Variants in SNAP91 observed in about 807,000 individuals in gnomAD.
SNAP91 encodes the protein clathrin coat assembly protein AP180.
A neutral mutation model predicts 100.3 loss-of-function variants in SNAP91; 27 were observed. The ratio of observed to expected loss-of-function variants is 0.27; its 90% CI spans 0.20 to 0.37. The LOEUF is 0.37. Ranked by LOEUF, SNAP91 falls within the 10% of genes least tolerant of loss-of-function variation. The probability of loss-of-function intolerance (pLI) is 1.00; values close to 1 mark genes in which losing one functional copy is unlikely to be tolerated. For synonymous variants in SNAP91, 404 were observed against 398.6 expected (o/e 1.01, Z -0.16); for missense variants, 986 against 1,123.7 (o/e 0.88, Z 1.75).
intron 23 of SNAP91, among the ~76,000 whole-genome samples, 159 bp downstream of exon 23, chr6:83,582,058 TTTTAA>T (rs1325654761): frequency 6.6e-6 from 1 of 150,950 alleles, no homozygotes; most frequent in South Asian, 2.1e-4. Context: ...GTACTATAAA[TTTTAA>T]TTTAAGTTAC....
In SNAP91 at chr6:83,670,112, C is replaced by A. The variant is rs2098756299; in HGVS notation, c.131-4531G>T. ...ACTACCAAAAAGATACCAGATATATCTTCCCAAGTTCAAATATTTAATTTT... is the reference window on the plus strand; with the variant it reads ...ACTACCAAAAAGATACCAGATATATATTCCCAAGTTCAAATATTTAATTTT... On this transcript the variant is annotated intron_variant, in intron 2 of 29. Coordinates refer to ENST00000369694, the MANE Select transcript of SNAP91 (RefSeq NM_001242792.2). 1.3e-5 allele frequency among the ~76,000 whole-genome samples: 2 copies of A among 151,982 alleles called. 1 individual carries two copies. Among genetic ancestry groups the A allele is most frequent in the South Asian group, 4.1e-4 (2 of 4,832 alleles).
chr6:83,561,409 G>C (rs1445689445), intron 26 of SNAP91, among the ~76,000 whole-genome samples: 1 of 152,132 alleles, frequency 6.6e-6, no homozygotes, highest in Non-Finnish European at 1.5e-5. Context: ...TGTATGAGTG[G>C]ATATGTAAAG....
intron 28 of SNAP91, among the ~76,000 whole-genome samples, chr6:83,556,475 G>C (rs901607923): frequency 6.7e-6 from 1 of 149,922 alleles, no homozygotes; most frequent in Non-Finnish European, 1.5e-5. Flanking sequence ...AAATCTACTT[G>C]TTCTACATAG....
intron 3 of SNAP91, among the ~76,000 whole-genome samples, chr6:83,664,761 A>C (rs1269014489): frequency 6.6e-6 from 1 of 152,174 alleles, no homozygotes; most frequent in Non-Finnish European, 1.5e-5. Context: ...GATTGACTCC[A>C]ATTTTCAAAG....
chr6:83,564,315 C>T (rs1274311578), intron 26 of SNAP91, among the ~76,000 whole-genome samples: 16 of 150,164 alleles, frequency 1.1e-4, no homozygotes, highest in Admixed American at 1.0e-3. Flanking sequence ...ATAGGCTCTT[C>T]CTTTCTTTCT....
At chr6:83,592,673 G>C in intron 20 of SNAP91, 135 bp from the exon 21 acceptor site, 1 of 751,246 alleles carries the variant, frequency 1.3e-6, no homozygotes, top group South Asian at 1.8e-5. Flanking sequence ...AACAGTTAAG[G>C]AAAAGCAAAC....
chr6:83,675,159 A>T (rs1261781628), intron 2 of SNAP91, among the ~76,000 whole-genome samples: 1 of 152,240 alleles, frequency 6.6e-6, no homozygotes, highest in African/African-American at 2.4e-5. Flanking sequence ...GTAAGAAAAG[A>T]ATAGACACCC....
intron 2 of SNAP91, chr6:83,690,144 T>C (rs368545415): frequency 2.1e-4 from 77 of 363,644 alleles, no homozygotes; most frequent in African/African-American, 1.6e-3. Context: ...GCATCACATT[T>C]GAGAGTTTTC....
chr6:83,659,502 G>A (rs11965736), intron 5 of SNAP91, among the ~76,000 whole-genome samples: 5,759 of 143,628 alleles, frequency 0.04, 335 homozygotes, highest in African/African-American at 0.13. Flanking sequence ...ATAGCTCACT[G>A]TAATCTCAAA....
At chr6:83,593,125 T>C (rs1178441364) in intron 19 of SNAP91, 57 bp downstream of exon 19, 3 of 1,531,634 alleles carry the variant, frequency 2.0e-6, no homozygotes, top group Non-Finnish European at 2.7e-6. Flanking sequence ...ACAAAGAGCT[T>C]AATCAGGAAA....
At chr6:83,559,598 T>G (rs798395) in intron 28 of SNAP91, among the ~76,000 whole-genome samples, 7 of 152,038 alleles carry the variant, frequency 4.6e-5, no homozygotes, top group African/African-American at 1.4e-4. Context: ...CCAGCTAGTC[T>G]GAAGTGGGGG....
Position 83,605,811 on chromosome 6 carries a change from G to T in SNAP91, c.1023-8C>A, listed in dbSNP as rs1459607715. On this transcript the variant is annotated splice_polypyrimidine_tract_variant and splice_region_variant and intron_variant, in intron 13 of 29. Coordinates refer to ENST00000369694, the MANE Select transcript of SNAP91 (RefSeq NM_001242792.2). Reference sequence around the variant, plus strand: ...CTAGATGGTTTAGAAGTGCTGAAAGGAAAATAAAACATTAAAATCAGATTT... The same window carrying T: ...CTAGATGGTTTAGAAGTGCTGAAAGTAAAATAAAACATTAAAATCAGATTT... 2 of 1,520,070 alleles carry T rather than the reference G, an allele frequency of 1.3e-6. No homozygotes were observed. The highest frequency in any genetic ancestry group is 2.8e-5 in the African/African-American group (2 of 71,454). 94.2% of individuals were successfully genotyped at this position (1,520,070 alleles called of 1,614,324 possible). A position where few individuals can be genotyped will look rare whatever the true frequency, so the allele number is the denominator to read the frequency against.
chr6:83,601,483 A>C (rs1179427790), intron 15 of SNAP91, 45 bp from the exon 16 acceptor site: 1 of 1,612,544 alleles, frequency 6.2e-7, no homozygotes, highest in Non-Finnish European at 8.5e-7. Context: ...GAAGAAAAGC[A>C]AAGGACAAAA....
chr6:83,631,094 T>A (rs2097189013), intron 8 of SNAP91, among the ~76,000 whole-genome samples: 1 of 152,208 alleles, frequency 6.6e-6, no homozygotes, highest in East Asian at 1.9e-4. Context: ...ATTTCGTTTT[T>A]GACCCAATGC....
intron 28 of SNAP91, 114 bp from the exon 29 acceptor site, chr6:83,556,359 G>GAT (rs1479729940): frequency 4.4e-6 from 2 of 451,148 alleles, no homozygotes; most frequent in Non-Finnish European, 7.9e-6. Flanking sequence ...GAGAGAGAGA[G>GAT]AGAGAGAGAG....
At chr6:83,600,251 T>C (rs1490298086) in intron 16 of SNAP91, among the ~76,000 whole-genome samples, 1 of 152,196 alleles carries the variant, frequency 6.6e-6, no homozygotes, top group African/African-American at 2.4e-5. Context: ...TGGATGATGT[T>C]GGCCAACCTT....
rs752001639 is a variant in SNAP91, at chr6:83,707,912, G to A, written c.16C>T (p.Leu6Phe). The A allele has an allele frequency of 5.7e-6, 9 of 1,588,520 alleles. No individual in the cohort carries two copies. Among genetic ancestry groups the A allele is most frequent in the Non-Finnish European group, 7.7e-6 (9 of 1,171,724 alleles). The change falls in exon 2 of 30, where the codon CTC becomes TTC. Residue 6 changes from leucine (L) to phenylalanine (F), a missense_variant. Physicochemically the swap from Leu to Phe is conservative, Grantham distance 22 (BLOSUM62 0). Around this residue, in one of 4 missense-constraint regions of SNAP91, gnomAD observed 330 missense variants for 447.5 expected, o/e 0.74. Transcript: ENST00000369694. Reference protein sequence around the residue: MSGQTLTDRIAAAQYS... With the variant: MSGQTFTDRIAAAQYS... ...TGAGCGGCGGCGATCCGATCCGTGAGCGTTTGGCCCGACATCTTCTGTGGT... is the reference window on the plus strand; with the variant it reads ...TGAGCGGCGGCGATCCGATCCGTGAACGTTTGGCCCGACATCTTCTGTGGT...
chr6:83,652,217 G>C (rs531963047), intron 7 of SNAP91, among the ~76,000 whole-genome samples: 2 of 152,132 alleles, frequency 1.3e-5, no homozygotes, highest in African/African-American at 4.8e-5. Flanking sequence ...GGTATAGCTG[G>C]ATTAGTATCT....
chr6:83,695,138 G>A (rs192365092), intron 2 of SNAP91, among the ~76,000 whole-genome samples: 126 of 151,840 alleles, frequency 8.3e-4, no homozygotes, highest in Admixed American at 8.3e-3. Flanking sequence ...TTAGCTGGGT[G>A]TGTTGGCATG....
Sources: gnomAD v4.1 joint callset for allele counts (sites outside exome capture counted in the v4.1 genomes callset) on GRCh38, gnomAD v4.1.1 for gene constraint, gnomAD v4.1.1 regional missense constraint, MANE v1.5 for transcripts, NCBI Gene and HGNC (gene_info 2026-07-23, HGNC 2026-07-21) for gene names.